FBXL17: variants seen among roughly 807,000 people sequenced by gnomAD.
The protein encoded by FBXL17 is F-box and leucine rich repeat protein 17.
Under a neutral mutation model 66.2 loss-of-function variants are expected in FBXL17, and 22 were observed. The observed-to-expected ratio is 0.33, with a 90% confidence interval of 0.24 to 0.47. The LOEUF (loss-of-function observed/expected upper bound fraction) is 0.47, where lower values mean the gene tolerates loss of function less well. Among genes scored for constraint, FBXL17 ranks in the 20% least tolerant of loss-of-function variants. The pLI, the probability that FBXL17 is intolerant of heterozygous loss-of-function variation, is 1.00. For synonymous variants in FBXL17, 474 were observed against 400.5 expected, an observed-to-expected ratio of 1.18 and a Z score of -2.19; for missense variants, 878 against 948.2, an observed-to-expected ratio of 0.93 and a Z score of 0.97.
At chr5:107,956,120 TTTCC>T (rs1751656221) in intron 7 of FBXL17, among the ~76,000 whole-genome samples, 1 of 152,186 alleles carries the variant, frequency 6.6e-6, no homozygotes, top group African/African-American at 2.4e-5. Context: ...TCAATTTCTT[TTTCC>T]TTCAAGTGAA....
chr5:108,133,663 CGTT>C lies in FBXL17; in HGVS notation c.1745+52451_1745+52453del, dbSNP rs746984442. 9.9e-5 allele frequency among the ~76,000 whole-genome samples: 15 copies of C among 151,794 alleles called. No homozygotes were observed. In the East Asian group the frequency reaches 1.9e-3, roughly 20 times the overall value. ...GGCTGAGAAGAAAGGAAGGAAAAAA[CGTT>C]GGTCTATAGGAAAGCAAAGAAAAGG... On this transcript the variant is annotated intron_variant, in intron 6 of 8. Coordinates refer to ENST00000542267, the MANE Select transcript of FBXL17 (RefSeq NM_001163315.3).
chr5:108,284,823 C>T (rs1332066699), intron 4 of FBXL17, among the ~76,000 whole-genome samples: 1 of 151,790 alleles, frequency 6.6e-6, no homozygotes, highest in Admixed American at 6.6e-5. Flanking sequence ...GTAGTGGCTG[C>T]TGAAGCTTGG....
rs540886157 is a variant in FBXL17, at chr5:108,018,209, C to G, written c.1822+2716G>C. Among the ~76,000 whole-genome samples, 4 of 152,246 alleles carry G rather than the reference C, an allele frequency of 2.6e-5. No homozygotes were observed. The South Asian group carries it at 8.3e-4, about 32-fold the overall frequency. ...TTAAAGGATGAATTTCCCGCTGTAT[C>G]AGATGTACATCAAATTTTACAATTT... On this transcript the variant is annotated intron_variant, in intron 7 of 8. Coordinates refer to ENST00000542267, the MANE Select transcript of FBXL17 (RefSeq NM_001163315.3).
intron 8 of FBXL17, among the ~76,000 whole-genome samples, chr5:107,873,228 C>G (rs1343317822): frequency 6.6e-6 from 1 of 152,188 alleles, no homozygotes; most frequent in Non-Finnish European, 1.5e-5. Flanking sequence ...ATAACCTTGG[C>G]TGTCATTTAA....
chr5:107,962,199 G>A (rs908342815), intron 7 of FBXL17, among the ~76,000 whole-genome samples: 5 of 152,118 alleles, frequency 3.3e-5, no homozygotes, highest in Non-Finnish European at 5.9e-5. Flanking sequence ...CCACTGAACC[G>A]TACGCTTAAA....
intron 4 of FBXL17, among the ~76,000 whole-genome samples, chr5:108,238,740 A>T (rs1395432566): frequency 6.6e-6 from 1 of 152,082 alleles, no homozygotes; most frequent in Non-Finnish European, 1.5e-5. Context: ...GCTGGTTTTG[A>T]ACTTAAGCAA....
At chr5:108,074,532 T>C (rs1232323848) in intron 6 of FBXL17, among the ~76,000 whole-genome samples, 1 of 152,130 alleles carries the variant, frequency 6.6e-6, no homozygotes, top group Non-Finnish European at 1.5e-5. Context: ...CCATTAATTC[T>C]ATTTATCTCT....
At chr5:108,086,531 T>G (rs770784850) in intron 6 of FBXL17, among the ~76,000 whole-genome samples, 5 of 152,164 alleles carry the variant, frequency 3.3e-5, no homozygotes, top group African/African-American at 4.8e-5. Flanking sequence ...TAACCTGACT[T>G]TTTTAATAGG....
chr5:108,357,797 GA>G (rs901250867), intron 3 of FBXL17, among the ~76,000 whole-genome samples: 3 of 151,796 alleles, frequency 2.0e-5, no homozygotes, highest in African/African-American at 7.2e-5. Flanking sequence ...AGGTATACAT[GA>G]ATGACACGTT....
At chr5:107,897,743 A>G (rs1314177464) in intron 7 of FBXL17, among the ~76,000 whole-genome samples, 1 of 152,102 alleles carries the variant, frequency 6.6e-6, no homozygotes, top group Admixed American at 6.6e-5. Flanking sequence ...TACAACATGT[A>G]ACAGTCTGGA....
intron 6 of FBXL17, among the ~76,000 whole-genome samples, chr5:108,130,029 G>GA (rs926587913): frequency 6.6e-6 from 1 of 151,636 alleles, no homozygotes; most frequent in Non-Finnish European, 1.5e-5. Flanking sequence ...CATTTTAAAA[G>GA]AAAAAATTGT....
chr5:108,204,992 ACT>A (rs2150053411), intron 5 of FBXL17, among the ~76,000 whole-genome samples: 1 of 151,794 alleles, frequency 6.6e-6, no homozygotes, highest in African/African-American at 2.4e-5. Context: ...CTTACTGCAG[ACT>A]CTAACTCTTG....
intron 5 of FBXL17, among the ~76,000 whole-genome samples, chr5:108,220,182 G>T (rs1255515930): frequency 2.0e-5 from 3 of 151,724 alleles, no homozygotes; most frequent in Non-Finnish European, 4.4e-5. Flanking sequence ...GGTTATTTAG[G>T]ATTGAATGCA....
At position 107,880,906 on chromosome 5, in the gene FBXL17, T is replaced by C. The variant is rs769274770; in HGVS notation, c.1965+131A>G. 8.2e-6 allele frequency: 12 copies of C among 1,462,054 alleles called. No individual in the cohort carries two copies. In the Admixed American group the frequency reaches 9.6e-5, roughly 12 times the overall value. 90.6% of individuals were successfully genotyped at this position (1,462,054 alleles called of 1,614,324 possible). On this transcript the variant is annotated intron_variant, in intron 8 of 8. Coordinates refer to ENST00000542267, the MANE Select transcript of FBXL17 (RefSeq NM_001163315.3). Reference sequence around the variant, plus strand: ...CAAACAATGCATAGCTATAATTGCATATATACATATAAAATGTATATATAA... The same window carrying C: ...CAAACAATGCATAGCTATAATTGCACATATACATATAAAATGTATATATAA...
At chr5:108,216,581 G>A (rs1483040923) in intron 5 of FBXL17, among the ~76,000 whole-genome samples, 1 of 151,984 alleles carries the variant, frequency 6.6e-6, no homozygotes, top group Non-Finnish European at 1.5e-5. Context: ...ACAGCATGAT[G>A]TTTTGATATA....
chr5:108,126,105 G>C (rs187622731), intron 6 of FBXL17, among the ~76,000 whole-genome samples: 70 of 152,200 alleles, frequency 4.6e-4, no homozygotes, highest in African/African-American at 1.6e-3. Context: ...GCAGAGGCAA[G>C]TAGTTTCTGG....
intron 4 of FBXL17, among the ~76,000 whole-genome samples, chr5:108,269,514 GT>G (rs1398382521): frequency 6.6e-6 from 1 of 152,006 alleles, no homozygotes; most frequent in Non-Finnish European, 1.5e-5. Context: ...GAAAAAATCT[GT>G]AAATTCCTCA....
Position 108,078,798 on chromosome 5 carries a change from C to T in FBXL17, c.1746-57797G>A, listed in dbSNP as rs141082189. 2.6e-3 allele frequency among the ~76,000 whole-genome samples: 400 copies of T among 152,278 alleles called. 1 individual carries two copies. The highest frequency in any genetic ancestry group is 8.5e-3 in the African/African-American group (355 of 41,554). On this transcript the variant is annotated intron_variant, in intron 6 of 8. Transcript: ENST00000542267. ...TGAGCCTCCATTCTTTCTGTAACCT[C>T]AAGATATTAATAGTATATAAGCTTC...
intron 4 of FBXL17, among the ~76,000 whole-genome samples, chr5:108,287,580 A>C (rs1381278287): frequency 6.6e-6 from 1 of 152,094 alleles, no homozygotes; most frequent in African/African-American, 2.4e-5. Context: ...ATCTCAGCCC[A>C]GTCAGAATGA....
Sources: allele counts gnomAD v4.1 joint callset (sites outside exome capture counted in the v4.1 genomes callset), GRCh38; gene constraint gnomAD v4.1.1; transcripts MANE v1.5; gene names NCBI Gene and HGNC (gene_info 2026-07-23, HGNC 2026-07-21).